The following TBL1XR1 variants were observed in gnomAD, a reference collection of about 807,000 sequenced individuals.
TBL1XR1 encodes F-box-like/WD repeat-containing protein TBL1XR1.
TBL1XR1 carries 5 observed loss-of-function variants against 66.9 expected under a neutral mutation model. The ratio of observed to expected loss-of-function variants is 0.07; its 90% CI spans 0.04 to 0.16. TBL1XR1 has a LOEUF of 0.16. Ranked by LOEUF, TBL1XR1 falls within the 10% of genes least tolerant of loss-of-function variation. The pLI is 1.00. For synonymous variants in TBL1XR1, 210 were observed against 206.0 expected, an observed-to-expected ratio of 1.02 and a Z score of -0.17; for missense variants, 238 against 623.2, an observed-to-expected ratio of 0.38 and a Z score of 6.58.
chr3:177,049,793 C>G (rs1203032533), intron 7 of TBL1XR1, among the ~76,000 whole-genome samples: 1 of 152,094 alleles, frequency 6.6e-6, no homozygotes, highest in Non-Finnish European at 1.5e-5. Flanking sequence ...CACTGAAGAG[C>G]TGGATGTTGA....
At chr3:177,111,098 C>T (rs759900493) in intron 1 of TBL1XR1, among the ~76,000 whole-genome samples, 6 of 152,172 alleles carry the variant, frequency 3.9e-5, no homozygotes, top group Admixed American at 2.6e-4. Context: ...GCCAGGCACA[C>T]AACAGGAGGA....
At chr3:177,051,286 C>A (rs548492681) in intron 5 of TBL1XR1, among the ~76,000 whole-genome samples, 2 of 151,436 alleles carry the variant, frequency 1.3e-5, no homozygotes, top group South Asian at 4.2e-4. Flanking sequence ...TCTCCTGGGA[C>A]CTTCCTGGGG....
chr3:177,087,199 G>A (rs1722242216), intron 2 of TBL1XR1, among the ~76,000 whole-genome samples: 1 of 143,924 alleles, frequency 6.9e-6, no homozygotes, highest in South Asian at 2.2e-4. Flanking sequence ...CTTCCATTTT[G>A]GGGTTGATTT....
intron 1 of TBL1XR1, among the ~76,000 whole-genome samples, chr3:177,191,183 G>A (rs1306976922): frequency 6.6e-6 from 1 of 152,176 alleles, no homozygotes; most frequent in Admixed American, 6.6e-5. Context: ...CCAGACTGAA[G>A]CATACAAATT....
At chr3:177,073,509 AT>A (rs1208832530) in intron 2 of TBL1XR1, among the ~76,000 whole-genome samples, 1 of 152,120 alleles carries the variant, frequency 6.6e-6, no homozygotes, top group Admixed American at 6.5e-5. Flanking sequence ...AGGAATGAAA[AT>A]TATAAATTTT....
chr3:177,113,201 T>C (rs994558111), intron 1 of TBL1XR1, among the ~76,000 whole-genome samples: 3 of 150,782 alleles, frequency 2.0e-5, no homozygotes, highest in South Asian at 2.1e-4. Flanking sequence ...TCTTTCACCA[T>C]ATACAAAAAT....
intron 2 of TBL1XR1, among the ~76,000 whole-genome samples, chr3:177,066,029 G>A (rs1719116559): frequency 1.3e-5 from 2 of 152,092 alleles, no homozygotes; most frequent in African/African-American, 2.4e-5. Flanking sequence ...GGTCCACAGA[G>A]TGTAGTTTGC....
At chr3:177,112,107 A>ATATATATATATATATTT in intron 1 of TBL1XR1, among the ~76,000 whole-genome samples, 5 of 37,642 alleles carry the variant, frequency 1.3e-4, no homozygotes, top group Non-Finnish European at 2.2e-4. Context: ...ATATATATAT[A>ATATATATATATATATTT]TTTTTTTTTT....
intron 14 of TBL1XR1, among the ~76,000 whole-genome samples, chr3:177,031,125 T>C (rs1343379697): frequency 1.3e-5 from 2 of 151,896 alleles, no homozygotes. Flanking sequence ...AAAATAAAAA[T>C]AAAAATGAAA....
intron 2 of TBL1XR1, among the ~76,000 whole-genome samples, chr3:177,084,104 A>G (rs1721822224): frequency 1.2e-5 from 1 of 82,208 alleles, no homozygotes; most frequent in Admixed American, 1.6e-4. Context: ...AAAAAAAAAG[A>G]AAAAAGAAAA....
chr3:177,072,781 T>C (rs1720202266), intron 2 of TBL1XR1, among the ~76,000 whole-genome samples: 2 of 152,270 alleles, frequency 1.3e-5, no homozygotes, highest in East Asian at 1.9e-4. Flanking sequence ...ATGAATGAAA[T>C]GGCCAGGCGC....
At chr3:177,033,214 A>G in intron 13 of TBL1XR1, 78 bp from the exon 14 acceptor site, 1 of 1,272,128 alleles carries the variant, frequency 7.9e-7, no homozygotes, top group Non-Finnish European at 1.0e-6. Context: ...AACCTCCCAT[A>G]TTCAGCCAAA....
chr3:177,144,525 G>C (rs920440452), intron 1 of TBL1XR1, among the ~76,000 whole-genome samples: 1 of 152,026 alleles, frequency 6.6e-6, no homozygotes, highest in African/African-American at 2.4e-5. Flanking sequence ...AGGCCAAGGC[G>C]GGTGGATCAT....
In TBL1XR1 at chr3:177,064,986, C is replaced by T. The variant is rs1718969936; in HGVS notation, c.-9G>A. The T allele has an allele frequency of 6.5e-7, 1 of 1,527,620 alleles. No individual in the cohort carries two copies. The allele number at this position is 1,527,620 out of a possible 1,614,324, so 94.6% of individuals were successfully genotyped here. On this transcript the variant is annotated 5_prime_UTR_variant, in exon 3 of 16. The change creates a premature stop within an existing upstream ORF in the 5' untranslated region. Transcript: ENST00000457928. ...TCACTGCTTATACTCATCTTTATTCCCACTTAAACCATGAGGTCACAACAC... is the reference window on the plus strand; with the variant it reads ...TCACTGCTTATACTCATCTTTATTCTCACTTAAACCATGAGGTCACAACAC...
intron 3 of TBL1XR1, among the ~76,000 whole-genome samples, chr3:177,056,087 T>C (rs954385015): frequency 6.6e-6 from 1 of 152,152 alleles, no homozygotes; most frequent in Admixed American, 6.6e-5. Flanking sequence ...CACTGTTTTG[T>C]TTTCATCTCA....
At chr3:177,065,937 A>AT (rs906567552) in intron 2 of TBL1XR1, among the ~76,000 whole-genome samples, 22 of 151,560 alleles carry the variant, frequency 1.5e-4, no homozygotes, top group South Asian at 2.1e-4. Flanking sequence ...TATTCTTCTG[A>AT]TTTTTTTTTC....
At chr3:177,060,025 C>T (rs1718307324) in intron 3 of TBL1XR1, among the ~76,000 whole-genome samples, 1 of 152,112 alleles carries the variant, frequency 6.6e-6, no homozygotes, top group African/African-American at 2.4e-5. Flanking sequence ...ACCAGGGGTT[C>T]TCGGGCCTTT....
chr3:177,154,188 G>T (rs1251849236), intron 1 of TBL1XR1, among the ~76,000 whole-genome samples: 5 of 151,930 alleles, frequency 3.3e-5, no homozygotes, highest in African/African-American at 1.2e-4. Flanking sequence ...AATAAAAAAT[G>T]GAAAATATAT....
intron 1 of TBL1XR1, among the ~76,000 whole-genome samples, chr3:177,140,886 AG>A (rs1490393343): frequency 6.6e-6 from 1 of 152,202 alleles, no homozygotes; most frequent in Non-Finnish European, 1.5e-5. Flanking sequence ...AAACATTATG[AG>A]ATTTTTTTGC....
Sources: allele counts gnomAD v4.1 joint callset (sites outside exome capture counted in the v4.1 genomes callset), GRCh38; gene constraint gnomAD v4.1.1; transcripts MANE v1.5; gene names NCBI Gene and HGNC (gene_info 2026-07-23, HGNC 2026-07-21).